CCDC171: variants seen among roughly 807,000 people sequenced by gnomAD.
CCDC171 encodes the protein coiled-coil domain containing 171, also known as coiled-coil domain-containing protein 171.
In CCDC171, 177 loss-of-function variants were observed where a neutral mutation model predicts 168.2. The observed-to-expected ratio is 1.05, with a 90% CI of 0.93 to 1.19. The LOEUF (loss-of-function observed/expected upper bound fraction) is 1.19. Ranked by LOEUF, CCDC171 falls within the 50% of genes most tolerant of loss-of-function variation. The probability of loss-of-function intolerance (pLI) is 0.00; values close to 1 mark genes in which losing one functional copy is unlikely to be tolerated. For missense variants in CCDC171, 1,991 were observed against 1,539.0 expected (o/e 1.29, Z -4.91); for synonymous variants, 687 against 540.8 (o/e 1.27, Z -3.75).
intron 21 of CCDC171, among the ~76,000 whole-genome samples, chr9:15,834,696 C>A (rs549772495): frequency 6.6e-6 from 1 of 152,138 alleles, no homozygotes; most frequent in African/African-American, 2.4e-5. Context: ...ATGCCTGAAA[C>A]TGCAAAGGGT....
chr9:15,675,345 T>C (rs561851417), intron 9 of CCDC171, among the ~76,000 whole-genome samples: 3 of 152,228 alleles, frequency 2.0e-5, no homozygotes. Flanking sequence ...GTCTGTGTCT[T>C]TTACTTGGGA....
At position 15,647,980 on chromosome 9, in the gene CCDC171, T is replaced by C. The variant is rs1051141436; in HGVS notation, c.823-9147T>C. ...TTTAGACCAATGTCCCTGATGAACATTGATGCAAAAATCCTCAATAAAATA... is the reference window on the plus strand; with the variant it reads ...TTTAGACCAATGTCCCTGATGAACACTGATGCAAAAATCCTCAATAAAATA... On this transcript the variant is annotated intron_variant, in intron 7 of 25. Coordinates refer to ENST00000380701, the MANE Select transcript of CCDC171 (RefSeq NM_173550.4). Among the ~76,000 whole-genome samples the C allele has an allele frequency of 8.9e-4, 135 of 152,294 alleles. 1 individual carries two copies. Among genetic ancestry groups the C allele is most frequent in the African/African-American group, 2.9e-3 (122 of 41,562 alleles).
chr9:15,695,564 G>T (rs1412592547), intron 11 of CCDC171, among the ~76,000 whole-genome samples: 2 of 152,170 alleles, frequency 1.3e-5, no homozygotes, highest in African/African-American at 4.8e-5. Flanking sequence ...AAGTGTTGGG[G>T]TGTGTGTGAT....
chr9:16,101,446 C>T, the CCDC171 span, among the ~76,000 whole-genome samples: 1 of 152,210 alleles, frequency 6.6e-6, no homozygotes, highest in African/African-American at 2.4e-5. Flanking sequence ...TAATGTCTTA[C>T]CCCAAAGTGT....
chr9:16,015,935 G>A (rs867135700), intron 3 of CCDC171, among the ~76,000 whole-genome samples: 1 of 152,152 alleles, frequency 6.6e-6, no homozygotes, highest in Non-Finnish European at 1.5e-5. Flanking sequence ...GTGTTGTAGC[G>A]TGTATCCAAA....
rs200870154 is a variant in CCDC171 at position 15,623,340 on chromosome 9, A to T, written c.749A>T (p.Asp250Val). 6 of 1,612,162 alleles carry T rather than the reference A, an allele frequency of 3.7e-6. No individual in the cohort carries two copies. The Admixed American group carries it at 6.7e-5, about 18-fold the overall frequency. The change falls in exon 7 of 26, where the codon GAC becomes GTC. Residue 250 changes from aspartate (D) to valine (V), a missense_variant. Asp to Val is a radical substitution (Grantham distance 152, BLOSUM62 -3). Coordinates refer to ENST00000380701, the MANE Select transcript of CCDC171 (RefSeq NM_173550.4). ...KLETEHMDCS[D>V]LLRRQTSELE... ...GAAACAGAACATATGGACTGCTCTG[A>T]CCTTTTACGGCGACAAACAAGTGAA...
At chr9:15,915,784 C>T (rs1451346414) in intron 24 of CCDC171, among the ~76,000 whole-genome samples, 1 of 152,112 alleles carries the variant, frequency 6.6e-6, no homozygotes, top group Non-Finnish European at 1.5e-5. Flanking sequence ...GAGGCCTCTC[C>T]CTTCTCTGCC....
intron 23 of CCDC171, among the ~76,000 whole-genome samples, chr9:15,861,286 G>A (rs1225545351): frequency 2.7e-5 from 4 of 150,578 alleles, no homozygotes; most frequent in Non-Finnish European, 3.0e-5. Flanking sequence ...TTATTTATCA[G>A]AAGTTAAACC....
chr9:15,884,269 GAGGATCCTAT>G (rs904391762), intron 24 of CCDC171, among the ~76,000 whole-genome samples: 4 of 71,614 alleles, frequency 5.6e-5, no homozygotes, highest in African/African-American at 1.3e-4. Context: ...GGGTGATTAT[GAGGATCCTAT>G]AACATGTATG....
At chr9:15,572,499 G>A (rs1587050788) in intron 3 of CCDC171, among the ~76,000 whole-genome samples, 3 of 152,268 alleles carry the variant, frequency 2.0e-5, no homozygotes, top group Non-Finnish European at 2.9e-5. Flanking sequence ...TGAACTGCTG[G>A]TCCCAAAGGG....
intron 11 of CCDC171, among the ~76,000 whole-genome samples, chr9:15,710,699 G>A (rs1344169939): frequency 7.9e-5 from 12 of 151,840 alleles, no homozygotes; most frequent in Admixed American, 3.9e-4. Flanking sequence ...AGGTTCAAGC[G>A]ATTCTCCTGC....
chr9:16,086,619 C>A, the CCDC171 span, among the ~76,000 whole-genome samples: 1 of 151,986 alleles, frequency 6.6e-6, no homozygotes, highest in Admixed American at 6.6e-5. Flanking sequence ...CTTTATTAGT[C>A]TGGCTAGCAG....
At chr9:15,951,772 C>G (rs913956017) in intron 25 of CCDC171, among the ~76,000 whole-genome samples, 6 of 152,088 alleles carry the variant, frequency 3.9e-5, no homozygotes, top group African/African-American at 9.7e-5. Context: ...AATCCCTTAA[C>G]AGATACATGA....
At chr9:15,694,423 C>G (rs908454531) in intron 10 of CCDC171, among the ~76,000 whole-genome samples, 8 of 152,266 alleles carry the variant, frequency 5.3e-5, no homozygotes, top group African/African-American at 1.9e-4. Context: ...TGTAGAGTGT[C>G]TTAGGTATCT....
intron 25 of CCDC171, among the ~76,000 whole-genome samples, chr9:15,969,996 G>A (rs1288366338): frequency 7.2e-5 from 11 of 152,138 alleles, no homozygotes; most frequent in Admixed American, 7.2e-4. Flanking sequence ...CACGATTTTG[G>A]AAGTTGTTTT....
chr9:15,898,436 C>G (rs1446583787), intron 24 of CCDC171, among the ~76,000 whole-genome samples: 1 of 152,108 alleles, frequency 6.6e-6, no homozygotes, highest in African/African-American at 2.4e-5. Flanking sequence ...CAAATATAGA[C>G]TAGTATCTGA....
intron 21 of CCDC171, among the ~76,000 whole-genome samples, chr9:15,802,293 G>A (rs60581753): frequency 0.024 from 3,695 of 152,004 alleles, 158 homozygotes; most frequent in African/African-American, 0.086. Context: ...TGCAGGATGT[G>A]CAGATTTGTT....
chr9:15,992,946 G>T (rs1439179917), intron 3 of CCDC171, among the ~76,000 whole-genome samples: 1 of 152,074 alleles, frequency 6.6e-6, no homozygotes, highest in Non-Finnish European at 1.5e-5. Context: ...AATAAAAGAG[G>T]ACACAAACAA....
intron 25 of CCDC171, among the ~76,000 whole-genome samples, chr9:15,959,116 G>A (rs934011206): frequency 6.6e-6 from 1 of 152,166 alleles, no homozygotes; most frequent in African/African-American, 2.4e-5. Flanking sequence ...TAGGAGAGAT[G>A]CAGGGACAAA....
Sources: allele counts gnomAD v4.1 joint callset (sites outside exome capture counted in the v4.1 genomes callset), GRCh38; gene constraint gnomAD v4.1.1; transcripts MANE v1.5; gene names NCBI Gene and HGNC (gene_info 2026-07-23, HGNC 2026-07-21).